Variants in SNTG1 observed in about 807,000 individuals in gnomAD.
The protein encoded by SNTG1 is gamma-1-syntrophin.
In SNTG1, 39 loss-of-function variants were observed where a neutral mutation model predicts 74.7. The ratio of observed to expected loss-of-function variants is 0.52; its 90% CI spans 0.40 to 0.68. SNTG1 has a LOEUF of 0.68. Among genes scored for constraint, SNTG1 ranks in the 30% least tolerant of loss-of-function variants. SNTG1 has a pLI of 0.00. For synonymous variants in SNTG1, 254 were observed against 217.1 expected (o/e 1.17, Z -1.49); for missense variants, 685 against 609.5 (o/e 1.12, Z -1.30).
At chr8:50,011,615 A>G (rs1223410464) in intron 1 of SNTG1, among the ~76,000 whole-genome samples, 1 of 109,540 alleles carries the variant, frequency 9.1e-6, no homozygotes, top group Non-Finnish European at 2.2e-5. Context: ...TCACTATCCC[A>G]AGGTGAAATT....
At chr8:50,588,435 T>C (rs1011837599) in intron 12 of SNTG1, among the ~76,000 whole-genome samples, 5 of 152,132 alleles carry the variant, frequency 3.3e-5, no homozygotes, top group Non-Finnish European at 2.9e-5. Context: ...ACTCCCCATT[T>C]TGGTTACCCG....
chr8:50,139,292 A>G (rs1287652303), intron 1 of SNTG1, among the ~76,000 whole-genome samples: 1 of 152,194 alleles, frequency 6.6e-6, no homozygotes, highest in Non-Finnish European at 1.5e-5. Context: ...TATGTAACCA[A>G]TCATTTATAT....
At chr8:50,223,467 TCATA>T (rs2085169127) in intron 2 of SNTG1, among the ~76,000 whole-genome samples, 2 of 152,090 alleles carry the variant, frequency 1.3e-5, no homozygotes, top group Non-Finnish European at 2.9e-5. Flanking sequence ...TATAAAAATA[TCATA>T]GGAAATAACT....
rs754702616 is a variant in SNTG1 at position 50,480,347 on chromosome 8, C to T, written c.364-22431C>T. On this transcript the variant is annotated intron_variant, in intron 8 of 18. Coordinates refer to ENST00000642720, the MANE Select transcript of SNTG1 (RefSeq NM_018967.5). ...GTAATCAGGTGTGTGTAGTCTCTTT[C>T]GGAATGAATGGGGCATTGTCATTCG... is the stretch of plus-strand genomic sequence containing the variant. Among the ~76,000 whole-genome samples the T allele has an allele frequency of 1.2e-4, 18 of 152,002 alleles. No homozygotes were observed. In the East Asian group the frequency reaches 2.9e-3, roughly 25 times the overall value.
chr8:50,526,070 G>T (rs983598360), intron 9 of SNTG1, among the ~76,000 whole-genome samples: 1 of 152,116 alleles, frequency 6.6e-6, no homozygotes, highest in African/African-American at 2.4e-5. Context: ...TATCCCAAAA[G>T]AGAGGTTTGT....
chr8:50,514,476 C>T (rs1227803060), intron 9 of SNTG1, among the ~76,000 whole-genome samples: 1 of 151,984 alleles, frequency 6.6e-6, no homozygotes, highest in Non-Finnish European at 1.5e-5. Flanking sequence ...CTTGTGATTT[C>T]TTTTTGACTT....
chr8:50,243,460 A>G (rs886571203), intron 2 of SNTG1, among the ~76,000 whole-genome samples: 2 of 152,106 alleles, frequency 1.3e-5, no homozygotes, highest in African/African-American at 2.4e-5. Flanking sequence ...TACTGTATCC[A>G]TCTTAGAAAT....
At chr8:50,238,548 G>T (rs2086020859) in intron 2 of SNTG1, among the ~76,000 whole-genome samples, 1 of 152,014 alleles carries the variant, frequency 6.6e-6, no homozygotes, top group Non-Finnish European at 1.5e-5. Context: ...CCTAGAGGAA[G>T]ACCTAGGATA....
Position 50,071,246 on chromosome 8 carries a change from C to T in SNTG1, c.-102-101315C>T, listed in dbSNP as rs571317784. On this transcript the variant is annotated intron_variant, in intron 1 of 18. Coordinates refer to ENST00000642720, the MANE Select transcript of SNTG1 (RefSeq NM_018967.5). ...CAGAGTCTTGCTCTGTCACCCAGGT[C>T]GGAGTTCAGTGGCATGATCATAGCT... Among the ~76,000 whole-genome samples, 6 of 152,154 alleles carry T rather than the reference C, an allele frequency of 3.9e-5. No homozygotes were observed. In the East Asian group the frequency reaches 1.2e-3, roughly 30 times the overall value.
At chr8:49,976,877 G>C (rs1263129161) in intron 1 of SNTG1, among the ~76,000 whole-genome samples, 1 of 152,128 alleles carries the variant, frequency 6.6e-6, no homozygotes, top group Non-Finnish European at 1.5e-5. Context: ...ATTTTGAAGA[G>C]ATCATTCTGG....
chr8:50,082,422 G>A (rs1182055455), intron 1 of SNTG1, among the ~76,000 whole-genome samples: 1 of 152,092 alleles, frequency 6.6e-6, no homozygotes, highest in African/African-American at 2.4e-5. Context: ...TTGTTTGGTT[G>A]TTTATATAAC....
chr8:50,560,410 C>T (rs1430575950), intron 12 of SNTG1, among the ~76,000 whole-genome samples: 1 of 152,190 alleles, frequency 6.6e-6, no homozygotes, highest in Admixed American at 6.5e-5. Context: ...TATAAAGACA[C>T]ATGCACGTGT....
intron 17 of SNTG1, among the ~76,000 whole-genome samples, chr8:50,725,849 C>T (rs992633620): frequency 2.0e-5 from 3 of 152,288 alleles, no homozygotes; most frequent in Non-Finnish European, 1.5e-5. Flanking sequence ...TAAATTTTGA[C>T]CACCAAAAAC....
chr8:50,371,870 C>G (rs747230157), intron 2 of SNTG1, among the ~76,000 whole-genome samples: 1 of 152,088 alleles, frequency 6.6e-6, no homozygotes, highest in Non-Finnish European at 1.5e-5. Flanking sequence ...CCTTTGGCTA[C>G]CATTTGTCTA....
At chr8:50,509,456 C>G (rs796680105) in intron 9 of SNTG1, among the ~76,000 whole-genome samples, 16 of 152,034 alleles carry the variant, frequency 1.1e-4, no homozygotes, top group African/African-American at 3.4e-4. Context: ...TGTGAAGAAA[C>G]TCATCGGTAG....
At chr8:50,023,234 G>C (rs772676020) in intron 1 of SNTG1, among the ~76,000 whole-genome samples, 6 of 152,050 alleles carry the variant, frequency 3.9e-5, no homozygotes, top group Non-Finnish European at 5.9e-5. Flanking sequence ...GAGTTAAAGC[G>C]GTGATATTAA....
At chr8:49,959,283 G>A (rs1286591345) in intron 1 of SNTG1, among the ~76,000 whole-genome samples, 1 of 152,184 alleles carries the variant, frequency 6.6e-6, no homozygotes. Flanking sequence ...GGACAAAAGG[G>A]GGAGACAAGT....
chr8:50,512,338 T>G (rs1208968908), intron 9 of SNTG1, among the ~76,000 whole-genome samples: 2 of 152,104 alleles, frequency 1.3e-5, no homozygotes, highest in Non-Finnish European at 2.9e-5. Context: ...TCTCTCTGGC[T>G]GCCCTTAACA....
chr8:50,395,668 T>C (rs1465175163), intron 3 of SNTG1, among the ~76,000 whole-genome samples: 5 of 152,024 alleles, frequency 3.3e-5, no homozygotes, highest in African/African-American at 1.2e-4. Flanking sequence ...CACGCCAGGC[T>C]AATTTTTTTA....
Sources: gnomAD v4.1 joint callset for allele counts (sites outside exome capture counted in the v4.1 genomes callset) on GRCh38, gnomAD v4.1.1 for gene constraint, MANE v1.5 for transcripts, NCBI Gene and HGNC (gene_info 2026-07-23, HGNC 2026-07-21) for gene names.